SALL3: variants seen among roughly 807,000 people sequenced by gnomAD.
SALL3 encodes the protein spalt like transcription factor 3.
A neutral mutation model predicts 66.2 loss-of-function variants in SALL3; 25 were observed. That is an observed-to-expected ratio of 0.38 (90% CI 0.28 to 0.53). SALL3 has a LOEUF of 0.53. SALL3 is among the 20% of genes least tolerant of loss of function. SALL3 has a pLI of 0.85. For missense variants in SALL3, 2,194 were observed against 1,916.5 expected, an observed-to-expected ratio of 1.14 and a Z score of -2.70; for synonymous variants, 1,152 against 899.1, an observed-to-expected ratio of 1.28 and a Z score of -5.03.
At position 78,992,478 on chromosome 18, in the gene SALL3, A is replaced by T. The variant is rs1197648108; in HGVS notation, c.487A>T (p.Ser163Cys). The T allele has an allele frequency of 6.9e-7, 1 of 1,458,388 alleles. No homozygotes were observed. The highest frequency in any genetic ancestry group is 1.3e-5 in the South Asian group (1 of 79,214). The allele number at this position is 1,458,388 out of a possible 1,614,324, so 90.3% of individuals were successfully genotyped here. ...APPTPAYGAP[S>C]TNVTLEALLS... ...CCCAACGCCCGCCTACGGCGCGCCC[A>T]GCACCAACGTGACCCTGGAGGCGCT... is the stretch of plus-strand genomic sequence containing the variant. Residue 163 changes from serine to cysteine, a missense_variant, in exon 2 of 3, where the codon AGC becomes TGC. Ser to Cys is a moderately radical substitution (Grantham distance 112). Transcript: ENST00000537592.
chr18:78,992,238 C>CACGAGG lies in SALL3; in HGVS notation c.251_256dup (p.Glu84_Asp85dup). On this transcript the variant is annotated inframe_insertion, in exon 2 of 3. Coordinates refer to ENST00000537592, the MANE Select transcript of SALL3 (RefSeq NM_171999.4). ...CAAGCTCCCGCCCGTGCTGATCGTG[C>CACGAGG]ACGAGGACGCGCCCGCGCCGCCCCC... The CACGAGG allele has an allele frequency of 6.3e-7, 1 of 1,594,966 alleles. No individual in the cohort carries two copies.
In SALL3 at chr18:78,997,543, C is replaced by CAAA; in HGVS notation, c.*229_*231dup. On this transcript the variant is annotated 3_prime_UTR_variant, in exon 3 of 3. Coordinates refer to ENST00000537592, the MANE Select transcript of SALL3 (RefSeq NM_171999.4). Reference sequence around the variant, plus strand: ...TGCAATCTTTTAAATAAGCTTCCTTCAAAAAAAAAAGTGCTTGGAAAACCG... The same window carrying CAAA: ...TGCAATCTTTTAAATAAGCTTCCTTCAAAAAAAAAAAAAGTGCTTGGAAAACCG... The CAAA allele has an allele frequency of 4.4e-6, 2 of 456,286 alleles. No homozygotes were observed. The highest frequency in any genetic ancestry group is 4.0e-5 in the South Asian group (1 of 24,846). The allele number at this position is 456,286 out of a possible 1,614,324, so 28.3% of individuals were successfully genotyped here.
intron 1 of SALL3, among the ~76,000 whole-genome samples, chr18:78,988,118 C>T (rs1914308671): frequency 6.6e-6 from 1 of 152,186 alleles, no homozygotes; most frequent in Non-Finnish European, 1.5e-5. Context: ...AATGTAATAA[C>T]TTCTATTTTT....
chr18:78,988,716 C>G lies in SALL3; in HGVS notation c.83-3358C>G, dbSNP rs536057023. On this transcript the variant is annotated intron_variant, in intron 1 of 2. Coordinates refer to ENST00000537592, the MANE Select transcript of SALL3 (RefSeq NM_171999.4). ...ACTTTTATGGAATGCTAATCACATT[C>G]AAATGTTGATAGTGAGACACAGTCA... Among the ~76,000 whole-genome samples, 3 of 152,214 alleles carry G rather than the reference C, an allele frequency of 2.0e-5. No individual in the cohort carries two copies. In the East Asian group the frequency reaches 5.8e-4, roughly 29 times the overall value.
rs1020356428 is a variant in SALL3, at chr18:78,992,918, C to G, written c.927C>G (p.Ser309Arg). 7.6e-5 allele frequency: 75 copies of G among 989,864 alleles called. No homozygotes were observed. The highest frequency in any genetic ancestry group is 9.0e-5 in the Non-Finnish European group (75 of 834,662). 61.3% of individuals were successfully genotyped at this position (989,864 alleles called of 1,614,324 possible). A position where few individuals can be genotyped will look rare whatever the true frequency, so the allele number is the denominator to read the frequency against. ...ASTPGGPAEP[S>R]APAAPSAAPA... The stretch of plus-strand genomic sequence containing the variant: ...CCCCCGGCGGCCCTGCGGAGCCCAG[C>G]GCGCCCGCCGCCCCCAGCGCCGCCC... The change falls in exon 2 of 3, where the codon AGC becomes AGG. Residue 309 changes from serine to arginine, a missense_variant. Coordinates refer to ENST00000537592, the MANE Select transcript of SALL3 (RefSeq NM_171999.4).
Position 78,996,858 on chromosome 18 carries a change from C to CT in SALL3, c.3472-31dup, listed in dbSNP as rs755071269. 9.6e-6 allele frequency: 15 copies of CT among 1,566,968 alleles called. No homozygotes were observed. In the African/African-American group the frequency reaches 1.9e-4, roughly 20 times the overall value. Reference sequence around the variant, plus strand: ...GCAGCTCTGCCTCCGTGTCTAGGCACTTACTCGTGGGCTGTCTCCGTGTCT... The same window carrying CT: ...GCAGCTCTGCCTCCGTGTCTAGGCACTTTACTCGTGGGCTGTCTCCGTGTCT... On this transcript the variant is annotated intron_variant, in intron 2 of 2. Transcript: ENST00000537592.
intron 1 of SALL3, among the ~76,000 whole-genome samples, chr18:78,990,889 T>C (rs1288198625): frequency 6.6e-6 from 1 of 152,186 alleles, no homozygotes; most frequent in East Asian, 1.9e-4. Flanking sequence ...GTAGCAACGT[T>C]GCTGTATGTT....
chr18:78,988,954 C>T (rs1220817887), intron 1 of SALL3, among the ~76,000 whole-genome samples: 2 of 152,108 alleles, frequency 1.3e-5, no homozygotes, highest in Non-Finnish European at 2.9e-5. Context: ...TAGTCTGTTT[C>T]CTTGGGCTCA....
Position 78,996,799 on chromosome 18 carries a change from G to T in SALL3, c.3472-92G>T. On this transcript the variant is annotated intron_variant, in intron 2 of 2. Coordinates refer to ENST00000537592, the MANE Select transcript of SALL3 (RefSeq NM_171999.4). ...TTGTCCGTAAGTCGCGCTTGGGAGC[G>T]GGGTGGACCTCTGTCTGCTGCGCTG... is the stretch of plus-strand genomic sequence containing the variant. 3.0e-6 allele frequency: 4 copies of T among 1,315,720 alleles called. No homozygotes were observed. The South Asian group carries it at 4.5e-5, about 15-fold the overall frequency. 81.5% of individuals were successfully genotyped at this position (1,315,720 alleles called of 1,614,324 possible). A position where few individuals can be genotyped will look rare whatever the true frequency, so the allele number is the denominator to read the frequency against.
chr18:78,993,575 G>T lies in SALL3; in HGVS notation c.1584G>T (p.Leu528=). The T allele has an allele frequency of 1.3e-6, 2 of 1,589,044 alleles. No homozygotes were observed. The highest frequency in any genetic ancestry group is 4.6e-5 in the East Asian group (2 of 43,838). Residue 528 remains leucine, a synonymous_variant, in exon 2 of 3, where the codon CTG becomes CTT. Transcript: ENST00000537592. ...CCACCGTGCCCACGTCCGTGGGGCT[G>T]CAACTGCCGCCCACTGTCCCTGGCG... is the stretch of plus-strand genomic sequence containing the variant. ...VLPTVPTSVG[L]QLPPTVPGAH... is the part of the protein sequence containing the mutation.
chr18:78,995,216 C>G lies in SALL3; in HGVS notation c.3225C>G (p.Gly1075=). 3 of 1,607,710 alleles carry G rather than the reference C, an allele frequency of 1.9e-6. No homozygotes were observed. Among genetic ancestry groups the G allele is most frequent in the Non-Finnish European group, 2.5e-6 (3 of 1,179,906 alleles). ...VNGHGKAMAL[G]EGPPLPAGVQ... is the part of the protein sequence containing the mutation. ...GTCACGGCAAGGCCATGGCGCTGGG[C>G]GAGGGTCCCCCGCTGCCCGCGGGCG... Residue 1075 remains glycine, a synonymous_variant, in exon 2 of 3, where the codon GGC becomes GGG. Coordinates refer to ENST00000537592, the MANE Select transcript of SALL3 (RefSeq NM_171999.4).
In SALL3 at chr18:78,992,490, A is replaced by T; in HGVS notation, c.499A>T (p.Thr167Ser). Residue 167 changes from threonine to serine, a missense_variant, in exon 2 of 3, where the codon ACC (threonine) becomes TCC (serine). By Grantham distance (58) the Thr-to-Ser change is moderately conservative. Coordinates refer to ENST00000537592, the MANE Select transcript of SALL3 (RefSeq NM_171999.4). ...PAYGAPSTNV[T>S]LEALLSTKVA... ...CTACGGCGCGCCCAGCACCAACGTG[A>T]CCCTGGAGGCGCTGCTGAGCACCAA... 1 of 1,465,722 alleles carries T rather than the reference A, an allele frequency of 6.8e-7. No individual in the cohort carries two copies. The highest frequency in any genetic ancestry group is 9.0e-7 in the Non-Finnish European group (1 of 1,112,738). The allele number at this position is 1,465,722 out of a possible 1,614,324, so 90.8% of individuals were successfully genotyped here.
intron 1 of SALL3, among the ~76,000 whole-genome samples, chr18:78,987,077 TTTTCTCATGTAA>T (rs1212430457): frequency 6.6e-6 from 1 of 152,200 alleles, no homozygotes; most frequent in East Asian, 1.9e-4. Context: ...GTTTTAGGTT[TTTTCTCATGTAA>T]TTTCTCATGT....
Position 78,993,860 on chromosome 18 carries a change from G to A in SALL3, c.1869G>A (p.Ser623=). 3 of 1,562,542 alleles carry A rather than the reference G, an allele frequency of 1.9e-6. No homozygotes were observed. Among genetic ancestry groups the A allele is most frequent in the Middle Eastern group, 3.4e-4 (2 of 5,954 alleles). ...VGAQASAAPT[S]VDGAPTSLGS... ...CGCAGGCTAGCGCTGCACCCACATC[G>A]GTGGACGGCGCACCCACGAGCCTCG... is the stretch of plus-strand genomic sequence containing the variant. Residue 623 remains serine, a synonymous_variant, in exon 2 of 3, where the codon TCG becomes TCA. Transcript: ENST00000537592.
Position 78,994,068 on chromosome 18 carries a change from G to A in SALL3, c.2077G>A (p.Ala693Thr), listed in dbSNP as rs1914585137. The A allele has an allele frequency of 1.2e-6, 2 of 1,613,026 alleles. No individual in the cohort carries two copies. The highest frequency in any genetic ancestry group is 1.7e-6 in the Non-Finnish European group (2 of 1,179,974). The change falls in exon 2 of 3, where the codon GCG becomes ACG. Residue 693 changes from alanine (A) to threonine (T), a missense_variant. Physicochemically the swap from Ala to Thr is moderately conservative, Grantham distance 58. Transcript: ENST00000537592. ...CCACCGGGTGCTGAGCTGCCAGAGC[G>A]CGCTGAAGATGCACTACCGGACGCA... ...ICHRVLSCQS[A>T]LKMHYRTHTG...
At chr18:78,990,382 G>C (rs1250495838) in intron 1 of SALL3, among the ~76,000 whole-genome samples, 1 of 152,206 alleles carries the variant, frequency 6.6e-6, no homozygotes, top group East Asian at 1.9e-4. Context: ...TTAAGAAAAT[G>C]CTAATTGAAC....
At position 78,994,515 on chromosome 18, in the gene SALL3, G is replaced by A. The variant is rs567563797; in HGVS notation, c.2524G>A (p.Ala842Thr). ...GCCCTCGGTCATCTCCAGCATTGCC[G>A]CCCTGGAGAACCAGATGAAGATGAT... is the stretch of plus-strand genomic sequence containing the variant. ...SPPSVISSIA[A>T]LENQMKMIDS... The change falls in exon 2 of 3, where the codon GCC (alanine) becomes ACC (threonine). Residue 842 changes from alanine (A) to threonine (T), a missense_variant. Ala to Thr is a moderately conservative substitution (Grantham distance 58). Transcript: ENST00000537592. 1.4e-6 allele frequency: 2 copies of A among 1,450,448 alleles called. No homozygotes were observed. The highest frequency in any genetic ancestry group is 3.4e-5 in the East Asian group (1 of 29,646). 89.8% of individuals were successfully genotyped at this position (1,450,448 alleles called of 1,614,324 possible).
intron 1 of SALL3, chr18:78,984,900 G>A (rs1914192360): frequency 6.6e-6 from 1 of 152,204 alleles, no homozygotes; most frequent in South Asian, 2.1e-4. Flanking sequence ...CTGTGGGCCT[G>A]TCTTTTTCAA....
chr18:78,996,640 A>G (rs1433339572), intron 2 of SALL3, among the ~76,000 whole-genome samples: 1 of 152,218 alleles, frequency 6.6e-6, no homozygotes, highest in Admixed American at 6.5e-5. Context: ...TTAGGAGAAA[A>G]TTACTCGAAA....
Sources: gnomAD v4.1 joint callset for allele counts (sites outside exome capture counted in the v4.1 genomes callset) on GRCh38, gnomAD v4.1.1 for gene constraint, MANE v1.5 for transcripts, NCBI Gene and HGNC (gene_info 2026-07-23, HGNC 2026-07-21) for gene names.